UGGT2: variants seen among roughly 807,000 people sequenced by gnomAD.
The protein encoded by UGGT2 is UDP-glucose glycoprotein glucosyltransferase 2.
Under a neutral mutation model 192.1 loss-of-function variants are expected in UGGT2, and 180 were observed. The ratio of observed to expected loss-of-function variants is 0.94; its 90% CI spans 0.83 to 1.06. The LOEUF (loss-of-function observed/expected upper bound fraction) is 1.06, where lower values mean the gene tolerates loss of function less well. Among genes scored for constraint, UGGT2 ranks in the 50% least tolerant of loss-of-function variants. The pLI is 0.00. For missense variants in UGGT2, 1,849 were observed against 1,795.7 expected, an observed-to-expected ratio of 1.03 and a Z score of -0.54; for synonymous variants, 580 against 591.0, an observed-to-expected ratio of 0.98 and a Z score of 0.27.
intron 38 of UGGT2, among the ~76,000 whole-genome samples, chr13:95,818,799 AGAG>A (rs72141709): frequency 0.012 from 1,765 of 152,242 alleles, 40 homozygotes; most frequent in African/African-American, 0.039. Flanking sequence ...TGGGATGGCA[AGAG>A]GAGGGATTTA....
At chr13:95,925,838 G>C (rs2048999488) in intron 19 of UGGT2, 64 bp from the exon 20 acceptor site, 1 of 1,125,590 alleles carries the variant, frequency 8.9e-7, no homozygotes, top group Non-Finnish European at 1.2e-6. Flanking sequence ...AAAAGCAGGG[G>C]AACATGTGCA....
chr13:95,921,971 T>G (rs879542170), intron 20 of UGGT2, among the ~76,000 whole-genome samples: 4 of 152,196 alleles, frequency 2.6e-5, no homozygotes, highest in Non-Finnish European at 5.9e-5. Flanking sequence ...AAAAGACACC[T>G]GCACTCATGT....
intron 17 of UGGT2, among the ~76,000 whole-genome samples, chr13:95,930,964 A>T (rs1192563554): frequency 1.3e-5 from 2 of 152,136 alleles, no homozygotes; most frequent in Non-Finnish European, 2.9e-5. Flanking sequence ...AGAGCAAAAG[A>T]ACAAACCTCC....
At chr13:95,842,003 G>C (rs1259401243) in intron 36 of UGGT2, among the ~76,000 whole-genome samples, 1 of 152,144 alleles carries the variant, frequency 6.6e-6, no homozygotes. Context: ...TAGAGGCATA[G>C]GCTTATTTCT....
intron 20 of UGGT2, among the ~76,000 whole-genome samples, chr13:95,923,259 A>G (rs2140415329): frequency 6.6e-6 from 1 of 151,950 alleles, no homozygotes; most frequent in Middle Eastern, 3.4e-3. Flanking sequence ...GAGTCTTGTT[A>G]TGTTGCCCAG....
chr13:95,928,600 C>T lies in UGGT2; in HGVS notation c.1978-1264G>A, dbSNP rs529588366. 1.2e-4 allele frequency among the ~76,000 whole-genome samples: 18 copies of T among 150,978 alleles called. No homozygotes were observed. The South Asian group carries it at 2.5e-3, about 21-fold the overall frequency. On this transcript the variant is annotated intron_variant, in intron 17 of 38. Transcript: ENST00000376747. Reference sequence around the variant, plus strand: ...GGTGCTCTTCACAGCCCAGACGGGGCGGCGGGGCAAAGGCGCTCCCCACAT... The same window carrying T: ...GGTGCTCTTCACAGCCCAGACGGGGTGGCGGGGCAAAGGCGCTCCCCACAT...
intron 17 of UGGT2, among the ~76,000 whole-genome samples, chr13:95,931,535 C>T (rs1314960698): frequency 2.6e-4 from 26 of 100,930 alleles, no homozygotes; most frequent in Non-Finnish European, 4.6e-4. Flanking sequence ...CCCACGGTGC[C>T]GGGGCAGGGT....
Position 96,034,368 on chromosome 13 carries a change from TCTC to T in UGGT2, c.159-2400_159-2398del, listed in dbSNP as rs1179662216. ...GCAGAAAGGAGCTACCAACTTCAGT[TCTC>T]CTAAGAGCTGTACTGTCTCTCAATA... is the stretch of plus-strand genomic sequence containing the variant. On this transcript the variant is annotated intron_variant, in intron 1 of 38. Coordinates refer to ENST00000376747, the MANE Select transcript of UGGT2 (RefSeq NM_020121.4). 2.0e-5 allele frequency among the ~76,000 whole-genome samples: 3 copies of T among 152,318 alleles called. No homozygotes were observed. The East Asian group carries it at 5.8e-4, about 29-fold the overall frequency.
chr13:96,010,753 G>A (rs2052135921), intron 5 of UGGT2, among the ~76,000 whole-genome samples: 1 of 152,142 alleles, frequency 6.6e-6, no homozygotes, highest in South Asian at 2.1e-4. Context: ...AAAATGTTTT[G>A]TAGATACAGA....
At chr13:95,885,957 G>T (rs1285777361) in intron 26 of UGGT2, among the ~76,000 whole-genome samples, 1 of 152,058 alleles carries the variant, frequency 6.6e-6, no homozygotes, top group Non-Finnish European at 1.5e-5. Context: ...GGAAAAAAAA[G>T]ACTCTAGAGG....
chr13:96,038,141 T>C (rs569988927), intron 1 of UGGT2, among the ~76,000 whole-genome samples: 23 of 152,220 alleles, frequency 1.5e-4, no homozygotes, highest in Non-Finnish European at 2.6e-4. Flanking sequence ...GTAAGGTATA[T>C]TGTAGAGGTA....
chr13:95,940,491 T>C (rs1323516199), intron 15 of UGGT2, among the ~76,000 whole-genome samples: 2 of 148,558 alleles, frequency 1.3e-5, no homozygotes, highest in Admixed American at 6.7e-5. Context: ...GGTCTTACCA[T>C]TGACTAGGCT....
intron 38 of UGGT2, among the ~76,000 whole-genome samples, chr13:95,811,901 G>A (rs368527454): frequency 3.3e-5 from 5 of 151,618 alleles, no homozygotes; most frequent in East Asian, 3.9e-4. Context: ...GAGATAAAAC[G>A]GAATTTGAAG....
chr13:95,923,272 T>G (rs2048906271), intron 20 of UGGT2, among the ~76,000 whole-genome samples: 1 of 152,064 alleles, frequency 6.6e-6, no homozygotes, highest in African/African-American at 2.4e-5. Context: ...TTGCCCAGAC[T>G]GGGCTTGAAC....
chr13:95,890,534 AT>A lies in UGGT2; in HGVS notation c.2958+327del, dbSNP rs890993663. Among the ~76,000 whole-genome samples, 4 of 152,128 alleles carry A rather than the reference AT, an allele frequency of 2.6e-5. No individual in the cohort carries two copies. The South Asian group carries it at 6.2e-4, about 24-fold the overall frequency. On this transcript the variant is annotated intron_variant, in intron 25 of 38. Transcript: ENST00000376747. The stretch of plus-strand genomic sequence containing the variant: ...ATCAGGGTCTCACCCATATAACCTC[AT>A]TTAACCTTAATGATCCCCTTAAAGC...
chr13:95,864,631 T>C (rs1890476997), intron 30 of UGGT2, among the ~76,000 whole-genome samples: 2 of 152,226 alleles, frequency 1.3e-5, no homozygotes, highest in South Asian at 4.1e-4. Context: ...GATATACAAA[T>C]ATGTCTTCTT....
At chr13:95,896,519 T>C (rs1160462571) in intron 22 of UGGT2, among the ~76,000 whole-genome samples, 2 of 152,124 alleles carry the variant, frequency 1.3e-5, no homozygotes, top group African/African-American at 2.4e-5. Context: ...TGGAAAACAG[T>C]TGAATCTTAT....
At position 95,888,666 on chromosome 13, in the gene UGGT2, A is replaced by C. The variant is rs73558634; in HGVS notation, c.2959-695T>G. 9.9e-3 allele frequency among the ~76,000 whole-genome samples: 1,502 copies of C among 152,308 alleles called. 22 individuals are homozygous for C. The highest frequency in any genetic ancestry group is 0.034 in the African/African-American group (1,413 of 41,564). ...CATCATATCTGCTACTCTGGAGGTC[A>C]CTGAACCACTGTTTTTCTCAAGTGT... is the stretch of plus-strand genomic sequence containing the variant. On this transcript the variant is annotated intron_variant, in intron 25 of 38. Coordinates refer to ENST00000376747, the MANE Select transcript of UGGT2 (RefSeq NM_020121.4).
intron 5 of UGGT2, among the ~76,000 whole-genome samples, chr13:96,000,998 G>A (rs530946267): frequency 1.3e-5 from 2 of 152,258 alleles, no homozygotes; most frequent in African/African-American, 4.8e-5. Flanking sequence ...CATAAAAGAT[G>A]TCATTCATTA....
Sources: gnomAD v4.1 joint callset for allele counts (sites outside exome capture counted in the v4.1 genomes callset) on GRCh38, gnomAD v4.1.1 for gene constraint, MANE v1.5 for transcripts, NCBI Gene and HGNC (gene_info 2026-07-23, HGNC 2026-07-21) for gene names.